Variants in KCNJ3 observed in about 807,000 individuals in gnomAD.
The protein encoded by KCNJ3 is G protein-activated inward rectifier potassium channel 1.
Under a neutral mutation model 39.2 loss-of-function variants are expected in KCNJ3, and 4 were observed. The observed-to-expected ratio is 0.10, with a 90% CI of 0.05 to 0.23. KCNJ3 has a LOEUF of 0.23. Among genes scored for constraint, KCNJ3 ranks in the 10% least tolerant of loss-of-function variants. The pLI is 1.00. For missense variants in KCNJ3, 276 were observed against 634.9 expected (o/e 0.43, Z 6.08); for synonymous variants, 230 against 237.4 (o/e 0.97, Z 0.29).
At chr2:154,809,279 A>G (rs1686968297) in intron 2 of KCNJ3, among the ~76,000 whole-genome samples, 1 of 152,182 alleles carries the variant, frequency 6.6e-6, no homozygotes, top group Non-Finnish European at 1.5e-5. Context: ...CACCAGTCAG[A>G]TAAGTCAGAT....
At chr2:154,832,899 T>C (rs932018833) in intron 2 of KCNJ3, among the ~76,000 whole-genome samples, 5 of 152,180 alleles carry the variant, frequency 3.3e-5, no homozygotes, top group Non-Finnish European at 7.4e-5. Context: ...CAAAACAGAT[T>C]TGCTTATTTA....
In KCNJ3 at chr2:154,855,809, A is replaced by G. The variant is rs896778652; in HGVS notation, c.*496A>G. ...TACACATACATACATACATACATATATATCTGATAAAATTGTGATGTTTTG... is the reference window on the plus strand; with the variant it reads ...TACACATACATACATACATACATATGTATCTGATAAAATTGTGATGTTTTG... On this transcript the variant is annotated 3_prime_UTR_variant, in exon 3 of 3. Coordinates refer to ENST00000295101, the MANE Select transcript of KCNJ3 (RefSeq NM_002239.4). The G allele has an allele frequency of 2.6e-5, 4 of 152,552 alleles. No individual in the cohort carries two copies. Among genetic ancestry groups the G allele is most frequent in the Non-Finnish European group, 5.9e-5 (4 of 67,956 alleles). 9.4% of individuals were successfully genotyped at this position (152,552 alleles called of 1,614,324 possible). A position where few individuals can be genotyped will look rare whatever the true frequency, so the allele number is the denominator to read the frequency against.
intron 2 of KCNJ3, among the ~76,000 whole-genome samples, chr2:154,737,079 A>G (rs984225943): frequency 2.0e-5 from 3 of 152,348 alleles, no homozygotes; most frequent in Admixed American, 1.3e-4. Context: ...GCTCATGTCC[A>G]TGAATGAGGA....
At chr2:154,821,860 C>T (rs957942333) in intron 2 of KCNJ3, among the ~76,000 whole-genome samples, 5 of 151,754 alleles carry the variant, frequency 3.3e-5, no homozygotes, top group South Asian at 2.1e-4. Flanking sequence ...CAGCTGGTCT[C>T]GAACTCCTGA....
chr2:154,741,426 A>G (rs539056134), intron 2 of KCNJ3, among the ~76,000 whole-genome samples: 1 of 101,602 alleles, frequency 9.8e-6, no homozygotes, highest in Admixed American at 8.6e-5. Flanking sequence ...ATAGTGTTGC[A>G]TTTTGATGAA....
intron 2 of KCNJ3, among the ~76,000 whole-genome samples, chr2:154,737,205 T>G (rs1685563602): frequency 6.6e-6 from 1 of 152,188 alleles, no homozygotes; most frequent in Non-Finnish European, 1.5e-5. Flanking sequence ...CTCATAATTT[T>G]GGGACGTTGT....
chr2:154,736,557 A>C (rs887656628), intron 2 of KCNJ3, among the ~76,000 whole-genome samples: 1 of 152,038 alleles, frequency 6.6e-6, no homozygotes, highest in Admixed American at 6.6e-5. Flanking sequence ...ATTCTTACCA[A>C]CTCAGAGGGT....
chr2:154,841,103 A>G (rs1253752720), intron 2 of KCNJ3, among the ~76,000 whole-genome samples: 2 of 152,096 alleles, frequency 1.3e-5, no homozygotes, highest in Non-Finnish European at 2.9e-5. Context: ...TTCAAGATAC[A>G]TTCCATCGAT....
chr2:154,741,807 A>G (rs1004288734), intron 2 of KCNJ3, among the ~76,000 whole-genome samples: 9 of 151,904 alleles, frequency 5.9e-5, no homozygotes, highest in African/African-American at 2.2e-4. Context: ...GAATACATAC[A>G]ATCATTGATG....
At chr2:154,703,457 C>T (rs983298298) in intron 1 of KCNJ3, among the ~76,000 whole-genome samples, 7 of 150,080 alleles carry the variant, frequency 4.7e-5, no homozygotes, top group Non-Finnish European at 8.9e-5. Context: ...TTTGTGCTCA[C>T]CTTCTTTTAT....
At chr2:154,850,217 T>G (rs1192729058) in intron 2 of KCNJ3, among the ~76,000 whole-genome samples, 2 of 151,742 alleles carry the variant, frequency 1.3e-5, no homozygotes, top group Non-Finnish European at 2.9e-5. Flanking sequence ...AGAGGTGCAA[T>G]CTCATAGTAC....
intron 2 of KCNJ3, among the ~76,000 whole-genome samples, chr2:154,834,669 C>CAGTGAGCCGAGTGAGCCG (rs149233422): frequency 6.6e-6 from 1 of 151,364 alleles, no homozygotes; most frequent in Non-Finnish European, 1.5e-5. Flanking sequence ...GCGGAGCTTA[C>CAGTGAGCCGAGTGAGCCG]AGTGAGCCGA....
intron 1 of KCNJ3, among the ~76,000 whole-genome samples, chr2:154,705,335 C>A (rs1052837280): frequency 3.9e-5 from 6 of 152,114 alleles, no homozygotes; most frequent in African/African-American, 1.4e-4. Context: ...ATCCTAGGAT[C>A]ATGTATGTAT....
intron 2 of KCNJ3, among the ~76,000 whole-genome samples, chr2:154,752,939 AT>A (rs1251155558): frequency 6.6e-6 from 1 of 152,088 alleles, no homozygotes; most frequent in East Asian, 1.9e-4. Flanking sequence ...AACATTAAAA[AT>A]ATATAACCAA....
At chr2:154,775,036 C>T (rs1345177762) in intron 2 of KCNJ3, among the ~76,000 whole-genome samples, 2 of 152,112 alleles carry the variant, frequency 1.3e-5, no homozygotes, top group Non-Finnish European at 2.9e-5. Flanking sequence ...CCTGTTTTAG[C>T]GTCTCGAATA....
intron 2 of KCNJ3, among the ~76,000 whole-genome samples, chr2:154,821,897 T>C (rs554910606): frequency 2.0e-5 from 3 of 152,040 alleles, no homozygotes; most frequent in Admixed American, 2.0e-4. Context: ...CGCCTTGGCC[T>C]CCCAAAATGC....
chr2:154,794,094 A>C (rs1239223374), intron 2 of KCNJ3, among the ~76,000 whole-genome samples: 1 of 151,990 alleles, frequency 6.6e-6, no homozygotes, highest in Non-Finnish European at 1.5e-5. Context: ...GACATTTCAA[A>C]TCTAACTAAA....
intron 2 of KCNJ3, among the ~76,000 whole-genome samples, chr2:154,835,508 A>AT (rs1687444656): frequency 7.4e-6 from 1 of 135,796 alleles, no homozygotes; most frequent in African/African-American, 2.7e-5. Flanking sequence ...TATATATCAA[A>AT]ATATATATAT....
intron 2 of KCNJ3, among the ~76,000 whole-genome samples, chr2:154,726,507 C>T (rs926932182): frequency 4.6e-4 from 70 of 151,852 alleles, no homozygotes; most frequent in African/African-American, 1.4e-3. Context: ...TTTACACTGC[C>T]GGTGGGAATG....
Sources: gnomAD v4.1 joint callset for allele counts (sites outside exome capture counted in the v4.1 genomes callset) on GRCh38, gnomAD v4.1.1 for gene constraint, MANE v1.5 for transcripts, NCBI Gene and HGNC (gene_info 2026-07-23, HGNC 2026-07-21) for gene names.